The following DGKZ variants were observed in gnomAD, a reference collection of about 807,000 sequenced individuals.
DGKZ encodes diacylglycerol kinase zeta.
In DGKZ, 45 loss-of-function variants were observed where a neutral mutation model predicts 142.5. The ratio of observed to expected loss-of-function variants is 0.32; its 90% CI spans 0.25 to 0.40. The LOEUF is 0.40. Ranked by LOEUF, DGKZ falls within the 10% of genes least tolerant of loss-of-function variation. The pLI, the probability that DGKZ is intolerant of heterozygous loss-of-function variation, is 1.00. For synonymous variants in DGKZ, 442 were observed against 527.0 expected, an observed-to-expected ratio of 0.84 and a Z score of 2.21; for missense variants, 755 against 1,306.5, an observed-to-expected ratio of 0.58 and a Z score of 6.51.
intron 26 of DGKZ, 86 bp from the exon 27 acceptor site, chr11:46,378,371 G>T: frequency 1.3e-6 from 2 of 1,546,570 alleles, no homozygotes; most frequent in East Asian, 2.3e-5. Context: ...GGGCACACAT[G>T]CCTGGCCGGC....
intron 1 of DGKZ, among the ~76,000 whole-genome samples, chr11:46,351,504 C>A (rs1941376993): frequency 1.3e-5 from 2 of 152,168 alleles, no homozygotes; most frequent in South Asian, 4.1e-4. Context: ...CAGAAGCAGC[C>A]CCTGTTTGAG....
intron 18 of DGKZ, 25 bp from the exon 19 acceptor site, chr11:46,374,909 C>G (rs1285238117): frequency 6.4e-7 from 1 of 1,573,508 alleles, no homozygotes; most frequent in Non-Finnish European, 8.7e-7. Flanking sequence ...TGTTTTGAGG[C>G]CCATGTCATC....
chr11:46,333,327 G>A (rs1482253726), exon 1 of DGKZ: 31 of 1,326,704 alleles, frequency 2.3e-5, no homozygotes, highest in Non-Finnish European at 3.0e-5. Flanking sequence ...GGCTGGCGGC[G>A]GCCGGGCAGC....
chr11:46,349,700 C>A (rs753559043), intron 1 of DGKZ, among the ~76,000 whole-genome samples: 10 of 152,152 alleles, frequency 6.6e-5, no homozygotes, highest in African/African-American at 9.7e-5. Context: ...CACACCTGGC[C>A]TGTTTCTCCA....
chr11:46,373,121 T>TG lies in DGKZ; in HGVS notation c.1326+26dup, dbSNP rs1204246777. ...GACCGGGTAAGTTGGCCAGGGTTGG[T>TG]GGGGGGCAGGGCAGGTGACTGGGGA... On this transcript the variant is annotated intron_variant, in intron 14 of 30. Transcript: ENST00000527911. 4.6e-6 allele frequency: 7 copies of TG among 1,537,126 alleles called. 1 individual carries two copies. The highest frequency in any genetic ancestry group is 2.4e-5 in the South Asian group (2 of 82,598).
Position 46,379,114 on chromosome 11 carries a change from G to A in DGKZ, c.2539+3G>A. ...GGTCCGCTACCTGCTGGACCACGGT[G>A]AGCCGGGCAGTGGAGCCCAGGGCCT... On this transcript the variant is annotated splice_donor_region_variant and intron_variant, in intron 28 of 30. Coordinates refer to ENST00000527911, the Ensembl canonical transcript of DGKZ. The A allele has an allele frequency of 6.2e-7, 1 of 1,608,924 alleles. No homozygotes were observed. The highest frequency in any genetic ancestry group is 8.5e-7 in the Non-Finnish European group (1 of 1,179,254).
chr11:46,345,364 A>C (rs1466569965), upstream of DGKZ: 58 of 1,344,264 alleles, frequency 4.3e-5, no homozygotes, highest in Non-Finnish European at 4.7e-5. The surrounding 1 kb of genome is among the most constrained non-coding windows in gnomAD (Gnocchi z 4.1). Flanking sequence ...CCTCGACCCC[A>C]CCCCCGTCAG....
chr11:46,376,474 T>C lies in DGKZ; in HGVS notation c.2162-50T>C, dbSNP rs746014466. On this transcript the variant is annotated intron_variant, in intron 23 of 30. Coordinates refer to ENST00000527911, the Ensembl canonical transcript of DGKZ. ...TCCCAGGTAGGGGCAGCAGAGGACC[T>C]GGGCCTGGACATGGCACTCCCTGAT... 3.1e-6 allele frequency: 5 copies of C among 1,613,864 alleles called. No homozygotes were observed. The South Asian group carries it at 5.5e-5, about 18-fold the overall frequency.
At chr11:46,360,609 A>C (rs922314850) in intron 1 of DGKZ, among the ~76,000 whole-genome samples, 1 of 152,096 alleles carries the variant, frequency 6.6e-6, no homozygotes, top group Non-Finnish European at 1.5e-5. Context: ...AACATGGTGA[A>C]ACCCCGTCTC....
intron 1 of DGKZ, among the ~76,000 whole-genome samples, chr11:46,363,710 A>G (rs1942941911): frequency 6.6e-6 from 1 of 152,196 alleles, no homozygotes; most frequent in Non-Finnish European, 1.5e-5. Context: ...CAGTAGCATC[A>G]GGCGGTGTGT....
chr11:46,363,907 C>T (rs1295414945), intron 1 of DGKZ, among the ~76,000 whole-genome samples: 1 of 152,188 alleles, frequency 6.6e-6, no homozygotes, highest in Non-Finnish European at 1.5e-5. Flanking sequence ...GGGTTCAGGT[C>T]CCGAATGCCG....
chr11:46,359,301 T>C (rs1039353577), intron 1 of DGKZ, among the ~76,000 whole-genome samples: 3 of 151,622 alleles, frequency 2.0e-5, no homozygotes, highest in African/African-American at 7.3e-5. Context: ...AAAAATTAGC[T>C]GGGCATGGTG....
exon 1 of DGKZ, chr11:46,333,205 C>A (rs1939855418): frequency 8.3e-7 from 1 of 1,200,532 alleles, no homozygotes. Flanking sequence ...CCGGCCCGGG[C>A]GGACTGGAGA....
intron 1 of DGKZ, among the ~76,000 whole-genome samples, chr11:46,350,960 C>T (rs1445783868): frequency 6.6e-6 from 1 of 151,958 alleles, no homozygotes; most frequent in East Asian, 1.9e-4. Flanking sequence ...TATCAGTCTC[C>T]TCCCTGAGGA....
At chr11:46,373,289 T>G (rs113179289) in intron 14 of DGKZ, among the ~76,000 whole-genome samples, 188 bp downstream of exon 14, 4,389 of 140,138 alleles carry the variant, frequency 0.031, 99 homozygotes, top group Middle Eastern at 0.057. Context: ...TTTTTTGTTT[T>G]TTTTTTTTTT....
exon 31 of DGKZ, chr11:46,379,926 G>A: frequency 2.5e-6 from 4 of 1,607,348 alleles, no homozygotes; most frequent in African/African-American, 1.3e-5. Context: ...TCCAGCGGGA[G>A]GACCAGGAGA....
upstream of DGKZ, chr11:46,345,486 TG>T: frequency 6.6e-7 from 1 of 1,508,706 alleles, no homozygotes; most frequent in Non-Finnish European, 8.8e-7. The surrounding 1 kb of genome is among the most constrained non-coding windows in gnomAD (Gnocchi z 4.1). Context: ...GTGGAGGCGC[TG>T]GGGACGGAAG....
At position 46,366,977 on chromosome 11, in the gene DGKZ, C is replaced by G. The variant is rs774226767; in HGVS notation, c.162-314C>G. ...GGCCGGACCCCAGGCCTGGAGCGCC[C>G]TGCTCGCGTAGGTATAGCTGTGGCC... On this transcript the variant is annotated intron_variant, in intron 1 of 30. Transcript: ENST00000527911. 1.9e-5 allele frequency: 29 copies of G among 1,529,060 alleles called. No individual in the cohort carries two copies. The highest frequency in any genetic ancestry group is 2.5e-5 in the Non-Finnish European group (29 of 1,145,444). The allele number at this position is 1,529,060 out of a possible 1,614,324, so 94.7% of individuals were successfully genotyped here. A position where few individuals can be genotyped will look rare whatever the true frequency, so the allele number is the denominator to read the frequency against.
chr11:46,336,784 G>A (rs1280716570), intron 1 of DGKZ, among the ~76,000 whole-genome samples: 1 of 152,074 alleles, frequency 6.6e-6, no homozygotes, highest in African/African-American at 2.4e-5. Flanking sequence ...GAACTCCTGG[G>A]CTCAAGCGAT....
Sources: allele counts gnomAD v4.1 joint callset (sites outside exome capture counted in the v4.1 genomes callset), GRCh38; gene constraint gnomAD v4.1.1; non-coding constraint Gnocchi (gnomAD v3.1); transcripts MANE v1.5; gene names NCBI Gene and HGNC (gene_info 2026-07-23, HGNC 2026-07-21).